Variants in MCCC1 observed in about 807,000 individuals in gnomAD.
The protein encoded by MCCC1 is methylcrotonoyl-CoA carboxylase subunit alpha, mitochondrial.
Under a neutral mutation model 83.8 loss-of-function variants are expected in MCCC1, and 64 were observed. The observed-to-expected ratio is 0.76, with a 90% CI of 0.62 to 0.94. The LOEUF is 0.94. Ranked by LOEUF, MCCC1 falls within the 40% of genes least tolerant of loss-of-function variation. The pLI is 0.00. For missense variants in MCCC1, 807 were observed against 904.7 expected, an observed-to-expected ratio of 0.89 and a Z score of 1.39; for synonymous variants, 322 against 315.4, an observed-to-expected ratio of 1.02 and a Z score of -0.22.
In MCCC1 at chr3:183,022,541, G is replaced by C. The variant is rs1295387216; in HGVS notation, c.1745C>G (p.Thr582Ser). The C allele has an allele frequency of 6.8e-6, 11 of 1,612,518 alleles. No homozygotes were observed. Among genetic ancestry groups the C allele is most frequent in the Non-Finnish European group, 9.3e-6 (11 of 1,178,896 alleles). Residue 582 changes from threonine (T) to serine (S), a missense_variant, in exon 16 of 19, where the codon ACT (threonine) becomes AGT (serine). Transcript: ENST00000265594. The stretch of plus-strand genomic sequence containing the variant: ...GTAAAGATTACCAAGGACTTGGAAA[G>C]TTTTATCTTCAATCTGAAAAAAATG... ...GSYSMQIEDK[T>S]FQVLGNLYSE...
intron 4 of MCCC1, among the ~76,000 whole-genome samples, chr3:183,086,477 C>G: frequency 6.6e-6 from 1 of 152,132 alleles, no homozygotes; most frequent in African/African-American, 2.4e-5. Context: ...ACCCTCTTTC[C>G]ACCTATTTCC....
intron 7 of MCCC1, 95 bp downstream of exon 7, chr3:183,070,904 T>C: frequency 7.3e-6 from 10 of 1,364,610 alleles, no homozygotes; most frequent in Non-Finnish European, 1.0e-5. Flanking sequence ...AATATACTTA[T>C]ATACTACTAC....
chr3:183,047,724 G>A (rs940203589), intron 9 of MCCC1, among the ~76,000 whole-genome samples: 3 of 150,944 alleles, frequency 2.0e-5, no homozygotes, highest in Non-Finnish European at 2.9e-5. Context: ...TCATTAGTAC[G>A]TTGGGTATGG....
chr3:183,068,216 A>T (rs770925832), intron 7 of MCCC1, among the ~76,000 whole-genome samples: 16 of 152,234 alleles, frequency 1.1e-4, no homozygotes, highest in Non-Finnish European at 1.5e-4. Flanking sequence ...CTGCATTCCC[A>T]GTAGCAAGTT....
rs1171528492 is a variant in MCCC1, at chr3:183,041,512, AATAATGT to A, written c.1267+48_1267+54del. 8 of 1,582,136 alleles carry A rather than the reference AATAATGT, an allele frequency of 5.1e-6. No individual in the cohort carries two copies. In the East Asian group the frequency reaches 1.8e-4, roughly 35 times the overall value. On this transcript the variant is annotated intron_variant, in intron 11 of 18. Coordinates refer to ENST00000265594, the MANE Select transcript of MCCC1 (RefSeq NM_020166.5). ...CAGGGATAAGAATGTGTCCAAAAAC[AATAATGT>A]ACTAAAAACTTAAAAAGAGTGAGAC... is the stretch of plus-strand genomic sequence containing the variant.
At chr3:183,091,356 C>T (rs1433049701) in intron 3 of MCCC1, among the ~76,000 whole-genome samples, 1 of 151,604 alleles carries the variant, frequency 6.6e-6, no homozygotes, top group African/African-American at 2.4e-5. Context: ...TCACTTGAGG[C>T]CAGGAGTTCG....
Position 183,107,615 on chromosome 3 carries a change from T to C in MCCC1, c.-102+7859A>G, listed in dbSNP as rs377026127. 1.7e-4 allele frequency among the ~76,000 whole-genome samples: 26 copies of C among 152,072 alleles called. No individual in the cohort carries two copies. In the East Asian group the frequency reaches 4.8e-3, roughly 28 times the overall value. ...TGGAGTGCAGTGGTGTAATCTTGGCTTACTGCAACCTCTGCCTCCTGTATT... is the reference window on the plus strand; with the variant it reads ...TGGAGTGCAGTGGTGTAATCTTGGCCTACTGCAACCTCTGCCTCCTGTATT... On this transcript the variant is annotated intron_variant, in intron 1 of 17. Coordinates refer to the MCCC1 transcript ENST00000492597.
chr3:183,097,672 T>A (rs1255724402), intron 1 of MCCC1, among the ~76,000 whole-genome samples: 1 of 152,184 alleles, frequency 6.6e-6, no homozygotes, highest in South Asian at 2.1e-4. Context: ...GAGAAACTGC[T>A]GAAAATACAG....
At chr3:183,082,630 G>T (rs889247890) in intron 4 of MCCC1, among the ~76,000 whole-genome samples, 1 of 152,074 alleles carries the variant, frequency 6.6e-6, no homozygotes, top group Non-Finnish European at 1.5e-5. Flanking sequence ...CTGCAGACAG[G>T]GTTAACTACA....
intron 2 of MCCC1, among the ~76,000 whole-genome samples, chr3:183,093,186 AC>A (rs1389151829): frequency 2.6e-5 from 4 of 152,026 alleles, no homozygotes; most frequent in Non-Finnish European, 5.9e-5. Context: ...GAGCCACCAC[AC>A]CCGGCCAATA....
chr3:183,066,738 A>G (rs1418213852), intron 7 of MCCC1, among the ~76,000 whole-genome samples: 1 of 152,264 alleles, frequency 6.6e-6, no homozygotes, highest in African/African-American at 2.4e-5. Flanking sequence ...ATGTTCATGT[A>G]TATCAAGCAA....
Position 183,099,437 on chromosome 3 carries a change from C to T in MCCC1, c.4G>A (p.Ala2Thr), listed in dbSNP as rs1460507493. ...AGCACCGACACCGCAGAGGCCGCCG[C>T]CATGTCCCTGGAGCCCGGCCACTCC... M[A>T]AASAVSVLLV... Residue 2 changes from alanine (A) to threonine (T), a missense_variant, in exon 1 of 19, where the codon GCG (alanine) becomes ACG (threonine). Coordinates refer to ENST00000265594, the MANE Select transcript of MCCC1 (RefSeq NM_020166.5). 6.2e-7 allele frequency: 1 copy of T among 1,604,928 alleles called. No homozygotes were observed. Among genetic ancestry groups the T allele is most frequent in the Non-Finnish European group, 8.5e-7 (1 of 1,176,728 alleles).
chr3:183,069,940 G>A (rs895422774), intron 7 of MCCC1, among the ~76,000 whole-genome samples: 2 of 152,192 alleles, frequency 1.3e-5, no homozygotes, highest in African/African-American at 4.8e-5. Flanking sequence ...GAGTCAAAGT[G>A]CCTGGGTTCA....
intron 5 of MCCC1, 143 bp downstream of exon 5, chr3:183,072,223 G>T: frequency 2.1e-6 from 2 of 942,924 alleles, no homozygotes; most frequent in Non-Finnish European, 3.2e-6. Flanking sequence ...AGTTGCCCAG[G>T]CTGGTCTTGA....
At position 183,015,380 on chromosome 3, in the gene MCCC1, T is replaced by A. The variant is rs531388138; in HGVS notation, c.*58A>T. ...AGACCCCCAGAAAAGCTGGAGGCAC[T>A]TCCTCTTTTTGGTGGAGAGAGAAGA... On this transcript the variant is annotated 3_prime_UTR_variant, in exon 19 of 19. Coordinates refer to ENST00000265594, the MANE Select transcript of MCCC1 (RefSeq NM_020166.5). 1.2e-6 allele frequency: 2 copies of A among 1,603,910 alleles called. No homozygotes were observed. The highest frequency in any genetic ancestry group is 2.7e-5 in the African/African-American group (2 of 74,868).
chr3:183,080,728 T>A (rs1717425229), intron 4 of MCCC1, among the ~76,000 whole-genome samples: 1 of 148,884 alleles, frequency 6.7e-6, no homozygotes, highest in South Asian at 2.1e-4. Context: ...ATAAAGACAT[T>A]ACCTGACACT....
At chr3:183,096,059 G>A (rs1401475591) in intron 1 of MCCC1, among the ~76,000 whole-genome samples, 2 of 152,194 alleles carry the variant, frequency 1.3e-5, no homozygotes, top group African/African-American at 4.8e-5. Context: ...AAGTGGGCTG[G>A]GTGCAGTGGC....
rs528146006 is a variant in MCCC1, at chr3:183,091,621, C to A, written c.273+788G>T. Among the ~76,000 whole-genome samples the A allele has an allele frequency of 2.0e-5, 3 of 152,092 alleles. No individual in the cohort carries two copies. In the East Asian group the frequency reaches 5.8e-4, roughly 29 times the overall value. On this transcript the variant is annotated intron_variant, in intron 3 of 18. Transcript: ENST00000265594. Reference sequence around the variant, plus strand: ...AACAAAAAAAACTAGTAATAACTCACCCGTAACATTCACAAACTTCAGGGA... The same window carrying A: ...AACAAAAAAAACTAGTAATAACTCAACCGTAACATTCACAAACTTCAGGGA...
In MCCC1 at chr3:183,086,751, T is replaced by G; in HGVS notation, c.311A>C (p.Gln104Pro). The G allele has an allele frequency of 6.2e-7, 1 of 1,614,212 alleles. No homozygotes were observed. The highest frequency in any genetic ancestry group is 8.5e-7 in the Non-Finnish European group (1 of 1,180,042). Residue 104 changes from glutamine (Q) to proline (P), a missense_variant, in exon 4 of 19, where the codon CAG (glutamine) becomes CCG (proline). Gln to Pro is a moderately conservative substitution (Grantham distance 76). Coordinates refer to ENST00000265594, the MANE Select transcript of MCCC1 (RefSeq NM_020166.5). Reference protein sequence around the residue: ...EAYSIGPAPSQQSYLSMEKII... With the variant: ...EAYSIGPAPSPQSYLSMEKII... Reference sequence around the variant, plus strand: ...TTTCTCCATAGATAGGTAGCTCTGCTGGGAGGGAGCGGGGCCGATGGAATA... The same window carrying G: ...TTTCTCCATAGATAGGTAGCTCTGCGGGGAGGGAGCGGGGCCGATGGAATA...
Sources: allele counts gnomAD v4.1 joint callset (sites outside exome capture counted in the v4.1 genomes callset), GRCh38; gene constraint gnomAD v4.1.1; transcripts MANE v1.5; gene names NCBI Gene and HGNC (gene_info 2026-07-23, HGNC 2026-07-21).